HBS1L: variants seen among roughly 807,000 people sequenced by gnomAD.
HBS1L encodes HBS1 like translational GTPase.
A neutral mutation model predicts 88.9 loss-of-function variants in HBS1L; 55 were observed. That is an observed-to-expected ratio of 0.62 (90% CI 0.50 to 0.77). The LOEUF is 0.77. HBS1L is among the 30% of genes least tolerant of loss of function. The pLI is 0.00. For synonymous variants in HBS1L, 267 were observed against 288.5 expected (o/e 0.93, Z 0.76); for missense variants, 741 against 829.3 (o/e 0.89, Z 1.31).
At chr6:135,016,060 T>C (rs1367519639) in intron 4 of HBS1L, among the ~76,000 whole-genome samples, 1 of 151,974 alleles carries the variant, frequency 6.6e-6, no homozygotes, top group Non-Finnish European at 1.5e-5. Context: ...CTAATTTTTG[T>C]ATTTTAGAAG....
chr6:135,037,155 A>T, intron 4 of HBS1L: 2 of 1,551,754 alleles, frequency 1.3e-6, no homozygotes, highest in Admixed American at 2.0e-5. Context: ...ATGACGACAG[A>T]GATCCTGTTA....
intron 12 of HBS1L, among the ~76,000 whole-genome samples, chr6:134,983,886 G>C (rs1379366088): frequency 6.6e-6 from 1 of 152,160 alleles, no homozygotes; most frequent in East Asian, 1.9e-4. Flanking sequence ...CAGAGAAATA[G>C]ACAGGTTAAC....
chr6:135,028,899 T>C (rs1776311153), intron 4 of HBS1L, among the ~76,000 whole-genome samples: 1 of 152,046 alleles, frequency 6.6e-6, no homozygotes, highest in Non-Finnish European at 1.5e-5. Flanking sequence ...GACAAGCTGT[T>C]TCTAAAGCTC....
At chr6:135,002,201 G>T (rs546348239) in intron 5 of HBS1L, among the ~76,000 whole-genome samples, 1 of 152,068 alleles carries the variant, frequency 6.6e-6, no homozygotes, top group East Asian at 1.9e-4. Context: ...CCAAGGTATG[G>T]TTTATTTCCA....
At chr6:135,006,891 G>A (rs969846727) in intron 4 of HBS1L, among the ~76,000 whole-genome samples, 6 of 151,972 alleles carry the variant, frequency 3.9e-5, no homozygotes, top group Non-Finnish European at 8.8e-5. Context: ...GGGGATTCTG[G>A]CCTCTGTCAA....
intron 4 of HBS1L, among the ~76,000 whole-genome samples, chr6:135,030,375 A>G (rs976413701): frequency 6.6e-6 from 1 of 152,142 alleles, no homozygotes; most frequent in African/African-American, 2.4e-5. Flanking sequence ...CGAAACTGCA[A>G]TTCAAACAGT....
intron 4 of HBS1L, chr6:135,037,034 C>T (rs1158753636): frequency 4.5e-6 from 7 of 1,551,536 alleles, no homozygotes; most frequent in Non-Finnish European, 6.1e-6. Flanking sequence ...AAACTGACCT[C>T]AAAGGACTCT....
chr6:134,989,169 A>G (rs933247006), intron 8 of HBS1L, among the ~76,000 whole-genome samples: 1 of 152,216 alleles, frequency 6.6e-6, no homozygotes, highest in Non-Finnish European at 1.5e-5. Flanking sequence ...AAAATGTGCA[A>G]TAGACAGTTT....
At chr6:135,038,156 TA>T in intron 4 of HBS1L, 1 of 670,646 alleles carries the variant, frequency 1.5e-6, no homozygotes, top group Non-Finnish European at 2.4e-6. Context: ...ATGACATGAA[TA>T]AAGTGATACT....
intron 4 of HBS1L, among the ~76,000 whole-genome samples, chr6:135,013,962 T>C (rs1197436925): frequency 6.6e-6 from 1 of 152,096 alleles, no homozygotes; most frequent in Non-Finnish European, 1.5e-5. Flanking sequence ...TATATGCAAA[T>C]ACGATGACAT....
At chr6:135,022,641 T>C (rs181912332) in intron 4 of HBS1L, among the ~76,000 whole-genome samples, 10 of 152,224 alleles carry the variant, frequency 6.6e-5, no homozygotes, top group African/African-American at 2.4e-4. Flanking sequence ...CTCCTAATTG[T>C]CTAAATAAAA....
At chr6:135,039,207 T>C (rs1437997227) in intron 4 of HBS1L, among the ~76,000 whole-genome samples, 1 of 151,306 alleles carries the variant, frequency 6.6e-6, no homozygotes, top group Non-Finnish European at 1.5e-5. Context: ...TAATCCCAGT[T>C]ACTTGGGAGG....
intron 4 of HBS1L, among the ~76,000 whole-genome samples, chr6:135,019,787 C>T (rs1201709779): frequency 6.6e-6 from 1 of 151,762 alleles, no homozygotes; most frequent in Non-Finnish European, 1.5e-5. Context: ...CATGTGTGAG[C>T]AAGATGGCTT....
chr6:134,969,958 A>C (rs1774434396), intron 15 of HBS1L, among the ~76,000 whole-genome samples: 1 of 152,178 alleles, frequency 6.6e-6, no homozygotes, highest in South Asian at 2.1e-4. Flanking sequence ...TATTATAATA[A>C]ATATAGAGGT....
intron 2 of HBS1L, among the ~76,000 whole-genome samples, chr6:135,048,135 GGAGA>G (rs1776968624): frequency 6.6e-6 from 1 of 152,176 alleles, no homozygotes; most frequent in South Asian, 2.1e-4. Context: ...CATCCAATAA[GGAGA>G]TATGAAAGGG....
At chr6:135,043,349 A>T (rs1425090101) in intron 2 of HBS1L, among the ~76,000 whole-genome samples, 1 of 152,244 alleles carries the variant, frequency 6.6e-6, no homozygotes. Context: ...AAAACATGTT[A>T]AGTTCATTGA....
chr6:134,965,295 TAA>T lies in HBS1L; in HGVS notation c.2044-7_2044-6del. On this transcript the variant is annotated splice_polypyrimidine_tract_variant and splice_region_variant and intron_variant, in intron 17 of 17. Transcript: ENST00000367837. ...TCTGACCCATCATTCTTTTATCTGT[TAA>T]AACAAAAAAAAAAAAGACATTTGCT... 1 of 1,531,746 alleles carries T rather than the reference TAA, an allele frequency of 6.5e-7. No homozygotes were observed. The highest frequency in any genetic ancestry group is 8.9e-7 in the Non-Finnish European group (1 of 1,124,496). The allele number at this position is 1,531,746 out of a possible 1,614,324, so 94.9% of individuals were successfully genotyped here. A position where few individuals can be genotyped will look rare whatever the true frequency, so the allele number is the denominator to read the frequency against.
At chr6:135,036,169 A>C in intron 4 of HBS1L, 1 of 837,724 alleles carries the variant, frequency 1.2e-6, no homozygotes, top group Non-Finnish European at 1.4e-6. Flanking sequence ...CTTCACACTA[A>C]ACTATAATAA....
intron 4 of HBS1L, among the ~76,000 whole-genome samples, chr6:135,024,547 GT>G (rs1477417359): frequency 9.1e-6 from 1 of 109,514 alleles, no homozygotes; most frequent in Non-Finnish European, 1.9e-5. Flanking sequence ...ACTCTTGGGG[GT>G]GTTTTTTTTT....
Sources: gnomAD v4.1 joint callset for allele counts (sites outside exome capture counted in the v4.1 genomes callset) on GRCh38, gnomAD v4.1.1 for gene constraint, MANE v1.5 for transcripts, NCBI Gene and HGNC (gene_info 2026-07-23, HGNC 2026-07-21) for gene names.